Variants in PATJ observed in about 807,000 individuals in gnomAD.
PATJ encodes the protein PATJ crumbs cell polarity complex component.
Under a neutral mutation model 224.9 loss-of-function variants are expected in PATJ, and 190 were observed. The observed-to-expected ratio is 0.84, with a 90% CI of 0.75 to 0.95. PATJ has a LOEUF of 0.95. Among genes scored for constraint, PATJ ranks in the 40% least tolerant of loss-of-function variants. PATJ has a pLI of 0.00. For missense variants in PATJ, 2,121 were observed against 2,270.3 expected, an observed-to-expected ratio of 0.93 and a Z score of 1.34; for synonymous variants, 769 against 820.3, an observed-to-expected ratio of 0.94 and a Z score of 1.07.
intron 32 of PATJ, among the ~76,000 whole-genome samples, chr1:62,081,649 C>T (rs1659296044): frequency 6.6e-6 from 1 of 151,560 alleles, no homozygotes; most frequent in Non-Finnish European, 1.5e-5. Flanking sequence ...CTCACTGCAA[C>T]CTCTGCCTCC....
At chr1:61,905,165 C>T (rs529827617) in intron 24 of PATJ, among the ~76,000 whole-genome samples, 75 of 152,334 alleles carry the variant, frequency 4.9e-4, no homozygotes, top group Admixed American at 1.6e-3. Context: ...GTTCTGAAGG[C>T]TGGGAACTCC....
intron 17 of PATJ, among the ~76,000 whole-genome samples, chr1:61,846,432 C>G (rs1232724330): frequency 6.6e-6 from 1 of 152,130 alleles, no homozygotes. Context: ...AATACAGTTT[C>G]AACTAATACA....
chr1:61,971,225 C>A (rs1398513163), intron 27 of PATJ, among the ~76,000 whole-genome samples: 2 of 152,114 alleles, frequency 1.3e-5, no homozygotes, highest in African/African-American at 4.8e-5. Flanking sequence ...GGTTCTTAAC[C>A]CCAAGTCATT....
At chr1:61,900,284 TAAGA>T (rs1374964824) in intron 23 of PATJ, among the ~76,000 whole-genome samples, 1 of 152,212 alleles carries the variant, frequency 6.6e-6, no homozygotes, top group African/African-American at 2.4e-5. Flanking sequence ...TTAAAACATT[TAAGA>T]GTTGTTTTCA....
rs1378346235 is a variant in PATJ, at chr1:62,029,649, G to T, written c.3960-8328G>T. Among the ~76,000 whole-genome samples, 5 of 152,300 alleles carry T rather than the reference G, an allele frequency of 3.3e-5. No individual in the cohort carries two copies. In the East Asian group the frequency reaches 9.6e-4, roughly 29 times the overall value. On this transcript the variant is annotated intron_variant, in intron 29 of 43. Coordinates refer to ENST00000642238, the MANE Select transcript of PATJ (RefSeq NM_001350145.3). Reference sequence around the variant, plus strand: ...TGAAATACCCTTAGAAGAATAGAATGAAGTTACTGAGACAAGCCACATGAG... The same window carrying T: ...TGAAATACCCTTAGAAGAATAGAATTAAGTTACTGAGACAAGCCACATGAG...
At chr1:61,976,588 A>G (rs1314720454) in intron 27 of PATJ, among the ~76,000 whole-genome samples, 1 of 151,842 alleles carries the variant, frequency 6.6e-6, no homozygotes, top group East Asian at 1.9e-4. Flanking sequence ...TTATATTTTT[A>G]GTAGACATGG....
At chr1:61,802,252 C>G (rs1490567098) in intron 12 of PATJ, among the ~76,000 whole-genome samples, 4 of 152,076 alleles carry the variant, frequency 2.6e-5, no homozygotes, top group Admixed American at 6.6e-5. Context: ...TGCCACCACA[C>G]TGGGCTAATT....
At chr1:62,062,826 G>C (rs973700005) in intron 31 of PATJ, among the ~76,000 whole-genome samples, 2 of 152,010 alleles carry the variant, frequency 1.3e-5, no homozygotes, top group African/African-American at 4.8e-5. Context: ...GTGTGTTCTT[G>C]TCCTTTGCCT....
chr1:61,920,356 T>C (rs1674104317), intron 26 of PATJ, among the ~76,000 whole-genome samples: 1 of 152,134 alleles, frequency 6.6e-6, no homozygotes, highest in Non-Finnish European at 1.5e-5. Context: ...ACTCTCGTGA[T>C]AGTGTGATCT....
intron 27 of PATJ, among the ~76,000 whole-genome samples, chr1:61,956,313 G>T (rs921180702): frequency 6.6e-6 from 1 of 152,196 alleles, no homozygotes; most frequent in Non-Finnish European, 1.5e-5. Context: ...GAGTCACTCA[G>T]TATTTTCATG....
chr1:62,030,879 A>G (rs1649127155), intron 29 of PATJ, among the ~76,000 whole-genome samples: 3 of 152,074 alleles, frequency 2.0e-5, no homozygotes, highest in Admixed American at 2.0e-4. Context: ...GTAATACTTC[A>G]CTCTATGAAT....
intron 41 of PATJ, among the ~76,000 whole-genome samples, chr1:62,131,208 C>T (rs1436591500): frequency 6.6e-6 from 1 of 152,204 alleles, no homozygotes; most frequent in Non-Finnish European, 1.5e-5. Flanking sequence ...GAAACCTACA[C>T]AGTTAACTGC....
At chr1:61,946,076 G>A (rs764706446) in intron 27 of PATJ, among the ~76,000 whole-genome samples, 3 of 152,140 alleles carry the variant, frequency 2.0e-5, no homozygotes, top group Admixed American at 6.5e-5. Flanking sequence ...AGTGTGTAGC[G>A]GGAAATTTAT....
chr1:61,933,648 T>C (rs1393753599), intron 27 of PATJ, among the ~76,000 whole-genome samples: 1 of 152,172 alleles, frequency 6.6e-6, no homozygotes, highest in African/African-American at 2.4e-5. Context: ...CTAACTTTAA[T>C]CCTTCTTTGA....
At position 62,161,134 on chromosome 1, in the gene PATJ, C is replaced by G; in HGVS notation, c.*80C>G. Reference sequence around the variant, plus strand: ...TGAAGTTCTGAGTGGGTATGAAAAGCACCCTCAACTAAAATGCACCTTCAT... The same window carrying G: ...TGAAGTTCTGAGTGGGTATGAAAAGGACCCTCAACTAAAATGCACCTTCAT... On this transcript the variant is annotated 3_prime_UTR_variant, in exon 44 of 44. Coordinates refer to ENST00000642238, the MANE Select transcript of PATJ (RefSeq NM_001350145.3). 1 of 1,141,176 alleles carries G rather than the reference C, an allele frequency of 8.8e-7. No individual in the cohort carries two copies. Among genetic ancestry groups the G allele is most frequent in the Non-Finnish European group, 1.1e-6 (1 of 874,078 alleles). 70.7% of individuals were successfully genotyped at this position (1,141,176 alleles called of 1,614,324 possible).
At chr1:62,132,874 G>A (rs187747678) in intron 41 of PATJ, among the ~76,000 whole-genome samples, 36 of 152,066 alleles carry the variant, frequency 2.4e-4, no homozygotes, top group African/African-American at 6.5e-4. Context: ...ACTGCACTCC[G>A]GCCTGGATGA....
rs369690591 is a variant in PATJ at position 62,108,447 on chromosome 1, T to C, written c.4388T>C (p.Val1463Ala). Residue 1463 changes from valine to alanine, a missense_variant, in exon 34 of 44, where the codon GTT becomes GCT. Physicochemically the swap from Val to Ala is moderately conservative, Grantham distance 64 (BLOSUM62 0). Coordinates refer to ENST00000642238, the MANE Select transcript of PATJ (RefSeq NM_001350145.3). ...TTTTATTTTTTATAGAATGCTATAG[T>C]TATCCATGAAGTCTATGAAGAAGGG... ...GGKDTPLNAI[V>A]IHEVYEEGAA... 3.1e-6 allele frequency: 5 copies of C among 1,605,980 alleles called. No homozygotes were observed. The highest frequency in any genetic ancestry group is 4.3e-6 in the Non-Finnish European group (5 of 1,173,780).
intron 27 of PATJ, among the ~76,000 whole-genome samples, chr1:61,963,469 A>T (rs576579423): frequency 1.3e-5 from 2 of 152,140 alleles, no homozygotes; most frequent in South Asian, 4.2e-4. Context: ...GGTGTTGCAC[A>T]TCTGTAGTCC....
At chr1:62,047,561 A>G (rs1652793626) in intron 30 of PATJ, among the ~76,000 whole-genome samples, 1 of 152,024 alleles carries the variant, frequency 6.6e-6, no homozygotes, top group South Asian at 2.1e-4. Context: ...AACATTGACT[A>G]TTTCAAAGCT....
Sources: gnomAD v4.1 joint callset for allele counts (sites outside exome capture counted in the v4.1 genomes callset) on GRCh38, gnomAD v4.1.1 for gene constraint, MANE v1.5 for transcripts, NCBI Gene and HGNC (gene_info 2026-07-23, HGNC 2026-07-21) for gene names.